The following TNFAIP8L3 variants were observed in gnomAD, a reference collection of about 807,000 sequenced individuals.
TNFAIP8L3 encodes the protein tumor necrosis factor alpha-induced protein 8-like protein 3.
TNFAIP8L3 carries 7 observed loss-of-function variants against 11.8 expected under a neutral mutation model. That is an observed-to-expected ratio of 0.59 (90% CI 0.34 to 1.11). The LOEUF (loss-of-function observed/expected upper bound fraction) is 1.11. Among genes scored for constraint, TNFAIP8L3 ranks in the 50% most tolerant of loss-of-function variants. The pLI is 0.03. For missense variants in TNFAIP8L3, 219 were observed against 258.6 expected, an observed-to-expected ratio of 0.85 and a Z score of 1.05; for synonymous variants, 98 against 103.8, an observed-to-expected ratio of 0.94 and a Z score of 0.34.
At chr15:51,069,342 A>T (rs2065292697) in intron 1 of TNFAIP8L3, 1 of 152,234 alleles carries the variant, frequency 6.6e-6, no homozygotes, top group South Asian at 2.1e-4. Flanking sequence ...ACTCTTTTGG[A>T]CATTTTAAGG....
At chr15:51,083,331 C>T (rs898751659) in intron 1 of TNFAIP8L3, among the ~76,000 whole-genome samples, 1 of 152,096 alleles carries the variant, frequency 6.6e-6, no homozygotes, top group African/African-American at 2.4e-5. Context: ...ACCAATACCT[C>T]CTAAAAGCTA....
chr15:51,058,229 C>T lies in TNFAIP8L3; in HGVS notation c.267G>A (p.Gly89=). ...KDLIKVAIKI[G]ILYRNNQFSQ... ...TAAACTGGTTGTTCCGGTAGAGGAT[C>T]CCGATTTTGATCGCCACCTTGATTA... is the stretch of plus-strand genomic sequence containing the variant. The change falls in exon 2 of 2, where the codon GGG becomes GGA. Residue 89 remains glycine (G), a synonymous_variant. Coordinates refer to ENST00000637513, the MANE Select transcript of TNFAIP8L3 (RefSeq NM_001311175.2). 6.2e-7 allele frequency: 1 copy of T among 1,614,192 alleles called. No homozygotes were observed. The highest frequency in any genetic ancestry group is 8.5e-7 in the Non-Finnish European group (1 of 1,180,040).
upstream of TNFAIP8L3, among the ~76,000 whole-genome samples, chr15:51,097,661 T>G (rs1187766435): frequency 6.6e-6 from 1 of 152,200 alleles, no homozygotes; most frequent in Non-Finnish European, 1.5e-5. Flanking sequence ...CAAAGGGAAA[T>G]GACTACTGGC....
chr15:51,079,670 A>G (rs1180060775), intron 1 of TNFAIP8L3, among the ~76,000 whole-genome samples: 2 of 152,086 alleles, frequency 1.3e-5, no homozygotes, highest in Non-Finnish European at 2.9e-5. Flanking sequence ...TTTCAAAGTA[A>G]TACAGGGTAC....
chr15:51,103,506 G>A (rs1396458543), intron 1 of TNFAIP8L3, among the ~76,000 whole-genome samples: 1 of 152,132 alleles, frequency 6.6e-6, no homozygotes, highest in Non-Finnish European at 1.5e-5. Context: ...TTTAGATCTT[G>A]CCAAATTTGT....
At chr15:51,095,242 A>G (rs867713455), upstream of TNFAIP8L3, among the ~76,000 whole-genome samples, 3 of 28,316 alleles carry the variant, frequency 1.1e-4, no homozygotes, top group African/African-American at 1.2e-4. Flanking sequence ...AGGGAAGGGG[A>G]GCGGGGAATA....
At chr15:51,097,205 G>T (rs1233518962), upstream of TNFAIP8L3, among the ~76,000 whole-genome samples, 2 of 152,044 alleles carry the variant, frequency 1.3e-5, no homozygotes, top group Non-Finnish European at 1.5e-5. Flanking sequence ...TGGACAGGTA[G>T]CCTGGGTTGC....
At chr15:51,070,036 T>G (rs1031818389) in intron 1 of TNFAIP8L3, among the ~76,000 whole-genome samples, 4 of 152,248 alleles carry the variant, frequency 2.6e-5, no homozygotes, top group African/African-American at 7.2e-5. Context: ...TCATCAAGAC[T>G]TGAAGATAGA....
rs1361765816 is a variant in TNFAIP8L3 at position 51,058,251 on chromosome 15, A to C, written c.245T>G (p.Ile82Ser). Residue 82 changes from isoleucine (I) to serine (S), a missense_variant, in exon 2 of 2, where the codon ATC (isoleucine) becomes AGC (serine). By Grantham distance (142) the Ile-to-Ser change is moderately radical. Coordinates refer to ENST00000637513, the MANE Select transcript of TNFAIP8L3 (RefSeq NM_001311175.2). ...KEAHKIMKDL[I>S]KVAIKIGILY... ...GATCCCGATTTTGATCGCCACCTTG[A>C]TTAAGTCTTTCATGATCTTGTGGGC... 1 of 1,614,128 alleles carries C rather than the reference A, an allele frequency of 6.2e-7. No homozygotes were observed. Among genetic ancestry groups the C allele is most frequent in the Non-Finnish European group, 8.5e-7 (1 of 1,180,020 alleles).
intron 1 of TNFAIP8L3, among the ~76,000 whole-genome samples, chr15:51,086,915 G>C (rs1343710674): frequency 6.7e-6 from 1 of 150,144 alleles, no homozygotes; most frequent in Non-Finnish European, 1.5e-5. Context: ...TTTGGAGTCA[G>C]AGTCTCTCTT....
chr15:51,094,330 G>C lies in TNFAIP8L3; in HGVS notation c.52+214C>G, dbSNP rs1349088411. Reference sequence around the variant, plus strand: ...CGCCGCGGGAGACTGGCAGCAAGGAGAGCCACCCCTAAATGCACCTTCCCT... The same window carrying C: ...CGCCGCGGGAGACTGGCAGCAAGGACAGCCACCCCTAAATGCACCTTCCCT... On this transcript the variant is annotated intron_variant, in intron 1 of 1. Transcript: ENST00000637513. This position sits in a 1 kb window ranked among gnomAD's most constrained non-coding sequence, Gnocchi z 4.4. Among the ~76,000 whole-genome samples the C allele has an allele frequency of 6.6e-6, 1 of 152,098 alleles. No individual in the cohort carries two copies. The highest frequency in any genetic ancestry group is 2.4e-5 in the African/African-American group (1 of 41,422).
chr15:51,096,891 C>CAAAAAAAAAAAAAAAAA (rs56057102), upstream of TNFAIP8L3, among the ~76,000 whole-genome samples: 4 of 98,274 alleles, frequency 4.1e-5, no homozygotes, highest in African/African-American at 1.1e-4. Flanking sequence ...CACGCTGTCT[C>CAAAAAAAAAAAAAAAAA]AAAAAAAAAA....
chr15:51,057,644 A>T lies in TNFAIP8L3; in HGVS notation c.*237T>A, dbSNP rs1465380346. On this transcript the variant is annotated 3_prime_UTR_variant, in exon 2 of 2. Transcript: ENST00000637513. ...ACAAAACAGCCTTTCTGCTTAGAAT[A>T]GATGAAATGTCCTTTGGGCTTGCAC... is the stretch of plus-strand genomic sequence containing the variant. 4 of 472,990 alleles carry T rather than the reference A, an allele frequency of 8.5e-6. No individual in the cohort carries two copies. The highest frequency in any genetic ancestry group is 1.5e-5 in the Non-Finnish European group (4 of 268,280). The allele number at this position is 472,990 out of a possible 1,614,324, so 29.3% of individuals were successfully genotyped here. A position where few individuals can be genotyped will look rare whatever the true frequency, so the allele number is the denominator to read the frequency against.
At chr15:51,059,073 G>T (rs1595603857) in intron 1 of TNFAIP8L3, among the ~76,000 whole-genome samples, 1 of 152,196 alleles carries the variant, frequency 6.6e-6, no homozygotes, top group East Asian at 1.9e-4. Flanking sequence ...CACAAAAGTT[G>T]TCAGAGATTT....
intron 1 of TNFAIP8L3, among the ~76,000 whole-genome samples, chr15:51,065,664 G>T (rs2065265997): frequency 6.6e-6 from 1 of 152,208 alleles, no homozygotes; most frequent in Admixed American, 6.5e-5. Flanking sequence ...AGTGGACAGG[G>T]TGAGGGGACA....
chr15:51,063,456 C>T (rs531499550), intron 1 of TNFAIP8L3, among the ~76,000 whole-genome samples: 2 of 152,246 alleles, frequency 1.3e-5, no homozygotes, highest in African/African-American at 2.4e-5. Context: ...CGAGAAGTAA[C>T]GAAGATACAA....
In TNFAIP8L3 at chr15:51,057,710, A is replaced by G; in HGVS notation, c.*171T>C. Reference sequence around the variant, plus strand: ...TAGAAACCTTGCTAGAAAGCTTGGAAGAAAAACACACCTGAGCTCAGTTCA... The same window carrying G: ...TAGAAACCTTGCTAGAAAGCTTGGAGGAAAAACACACCTGAGCTCAGTTCA... On this transcript the variant is annotated 3_prime_UTR_variant, in exon 2 of 2. Transcript: ENST00000637513. The G allele has an allele frequency of 1.6e-6, 1 of 606,570 alleles. No individual in the cohort carries two copies. The highest frequency in any genetic ancestry group is 3.6e-5 in the Admixed American group (1 of 27,958). 37.6% of individuals were successfully genotyped at this position (606,570 alleles called of 1,614,324 possible). A position where few individuals can be genotyped will look rare whatever the true frequency, so the allele number is the denominator to read the frequency against.
At chr15:51,087,697 G>A (rs1482233024) in intron 1 of TNFAIP8L3, among the ~76,000 whole-genome samples, 1 of 151,824 alleles carries the variant, frequency 6.6e-6, no homozygotes, top group Non-Finnish European at 1.5e-5. Context: ...TTCTATTAGG[G>A]TGTGTCTAGC....
At chr15:51,078,184 A>G (rs1210465952) in intron 1 of TNFAIP8L3, among the ~76,000 whole-genome samples, 1 of 152,104 alleles carries the variant, frequency 6.6e-6, no homozygotes, top group South Asian at 2.1e-4. Flanking sequence ...CCTGGCTTTC[A>G]CCACAGACTC....
Sources: gnomAD v4.1 joint callset for allele counts (sites outside exome capture counted in the v4.1 genomes callset) on GRCh38, gnomAD v4.1.1 for gene constraint, Gnocchi (gnomAD v3.1) non-coding constraint, MANE v1.5 for transcripts, NCBI Gene and HGNC (gene_info 2026-07-23, HGNC 2026-07-21) for gene names.